Variants in RXFP1 observed in about 807,000 individuals in gnomAD.
The protein encoded by RXFP1 is relaxin family peptide receptor 1, also known as relaxin receptor 1.
In RXFP1, 73 loss-of-function variants were observed where a neutral mutation model predicts 89.8. That is an observed-to-expected ratio of 0.81 (90% CI 0.67 to 0.99). RXFP1 has a LOEUF of 0.99. RXFP1 is among the 50% of genes least tolerant of loss of function. RXFP1 has a pLI of 0.00. For missense variants in RXFP1, 793 were observed against 895.5 expected, an observed-to-expected ratio of 0.89 and a Z score of 1.46; for synonymous variants, 277 against 305.5, an observed-to-expected ratio of 0.91 and a Z score of 0.97.
At chr4:158,593,688 A>C (rs1759985778) in intron 3 of RXFP1, among the ~76,000 whole-genome samples, 189 bp downstream of exon 3, 1 of 152,132 alleles carries the variant, frequency 6.6e-6, no homozygotes, top group Non-Finnish European at 1.5e-5. Context: ...ATACAACTTT[A>C]ACTAGGAAAA....
rs1348024503 is a variant in RXFP1 at position 158,606,751 on chromosome 4, T to C, written c.465-1221T>C. On this transcript the variant is annotated intron_variant, in intron 5 of 17. Transcript: ENST00000307765. The stretch of plus-strand genomic sequence containing the variant: ...GGCATGTGCCACCACACCTGGCTCC[T>C]TTTTTTTTTTTTTTTAGAGAGATAG... Among the ~76,000 whole-genome samples the C allele has an allele frequency of 2.1e-4, 29 of 136,460 alleles. No homozygotes were observed. The East Asian group carries it at 5.2e-3, about 25-fold the overall frequency. 89.5% of individuals were successfully genotyped at this position (136,460 alleles called of 152,430 possible).
At chr4:158,528,572 C>G (rs1743190532) in intron 1 of RXFP1, among the ~76,000 whole-genome samples, 1 of 152,126 alleles carries the variant, frequency 6.6e-6, no homozygotes, top group Non-Finnish European at 1.5e-5. Context: ...AATATCTCCT[C>G]TCCAGTCCAT....
At chr4:158,643,475 T>TG (rs1348544037) in intron 14 of RXFP1, among the ~76,000 whole-genome samples, 1 of 144,652 alleles carries the variant, frequency 6.9e-6, no homozygotes, top group African/African-American at 2.5e-5. Flanking sequence ...CTAGTTTTTT[T>TG]TTTTTTTTTT....
intron 6 of RXFP1, among the ~76,000 whole-genome samples, chr4:158,608,468 A>G (rs1326038077): frequency 6.8e-6 from 1 of 148,080 alleles, no homozygotes; most frequent in Non-Finnish European, 1.5e-5. Flanking sequence ...CTGACAAAGA[A>G]AAAAAAAAAG....
At chr4:158,612,612 CTTTT>C (rs1158067958) in intron 8 of RXFP1, among the ~76,000 whole-genome samples, 4 of 140,256 alleles carry the variant, frequency 2.9e-5, no homozygotes, top group Non-Finnish European at 3.1e-5. Context: ...TCACAATATT[CTTTT>C]TTTTTTTTTT....
intron 2 of RXFP1, among the ~76,000 whole-genome samples, chr4:158,587,271 C>G (rs771309542): frequency 9.9e-5 from 15 of 152,184 alleles, no homozygotes; most frequent in Non-Finnish European, 1.5e-4. Context: ...TACTCAAAGC[C>G]TCAACATACT....
At chr4:158,542,109 A>ATATATATATATATATATATT in intron 1 of RXFP1, among the ~76,000 whole-genome samples, 2 of 35,238 alleles carry the variant, frequency 5.7e-5, no homozygotes, top group South Asian at 8.1e-4. Context: ...ATATATATAT[A>ATATATATATATATATATATT]TTTTTTTTTT....
At chr4:158,579,872 T>C (rs1166871769) in intron 2 of RXFP1, among the ~76,000 whole-genome samples, 3 of 152,134 alleles carry the variant, frequency 2.0e-5, no homozygotes, top group African/African-American at 7.2e-5. Context: ...AACCACATGG[T>C]TTTTACCGGG....
At chr4:158,564,276 A>G (rs1753105223) in intron 1 of RXFP1, among the ~76,000 whole-genome samples, 2 of 152,226 alleles carry the variant, frequency 1.3e-5, no homozygotes, top group African/African-American at 4.8e-5. Flanking sequence ...AAAAGCTACC[A>G]GGGTACAGGG....
rs529815352 is a variant in RXFP1, at chr4:158,523,277, C to G, written c.49+1252C>G. 3.9e-5 allele frequency among the ~76,000 whole-genome samples: 6 copies of G among 152,266 alleles called. No homozygotes were observed. In the East Asian group the frequency reaches 1.2e-3, roughly 29 times the overall value. On this transcript the variant is annotated intron_variant, in intron 1 of 17. Coordinates refer to ENST00000307765, the MANE Select transcript of RXFP1 (RefSeq NM_021634.4). ...AAATTAATGCCATATTTTACCATCC[C>G]TATTCCATTTCAATGAAATGAATAG...
At chr4:158,550,131 C>A (rs13136243) in intron 1 of RXFP1, among the ~76,000 whole-genome samples, 106,562 of 152,238 alleles carry the variant, frequency 0.7, 42,441 homozygotes, top group East Asian at 0.97. Flanking sequence ...CTTTGTTTAC[C>A]TAATCAAGCC....
chr4:158,637,935 A>C lies in RXFP1; in HGVS notation c.972-73A>C, dbSNP rs1423441434. ...TTCATAAATATGTTAAAGTAACCCA[A>C]AATAAACAGATTCACTCGCTTTACT... is the stretch of plus-strand genomic sequence containing the variant. On this transcript the variant is annotated intron_variant, in intron 12 of 17. Coordinates refer to ENST00000307765, the MANE Select transcript of RXFP1 (RefSeq NM_021634.4). 7 of 925,270 alleles carry C rather than the reference A, an allele frequency of 7.6e-6. No individual in the cohort carries two copies. The East Asian group carries it at 1.7e-4, about 23-fold the overall frequency. 57.3% of individuals were successfully genotyped at this position (925,270 alleles called of 1,614,324 possible).
At chr4:158,592,081 A>T (rs903008659) in intron 2 of RXFP1, among the ~76,000 whole-genome samples, 3 of 152,222 alleles carry the variant, frequency 2.0e-5, no homozygotes, top group African/African-American at 7.2e-5. Context: ...ATTTTGTGAG[A>T]AAAGCTTCTT....
intron 6 of RXFP1, chr4:158,610,559 T>TC: frequency 3.8e-6 from 2 of 520,182 alleles, no homozygotes; most frequent in Middle Eastern, 6.4e-4. Context: ...TTTTTAAAAG[T>TC]ACTTAAGTTC....
At chr4:158,544,895 C>T in intron 1 of RXFP1, among the ~76,000 whole-genome samples, 1 of 152,136 alleles carries the variant, frequency 6.6e-6, no homozygotes, top group East Asian at 1.9e-4. Flanking sequence ...GTGAATAGTG[C>T]CGCAATAAAC....
At chr4:158,522,128 A>G in intron 1 of RXFP1, 103 bp downstream of exon 1, 1 of 657,576 alleles carries the variant, frequency 1.5e-6, no homozygotes, top group Non-Finnish European at 2.6e-6. Flanking sequence ...GATAAAATGC[A>G]CTTGCTGATA....
intron 9 of RXFP1, among the ~76,000 whole-genome samples, chr4:158,622,048 C>T (rs187964686): frequency 2.0e-4 from 31 of 152,332 alleles, no homozygotes; most frequent in Non-Finnish European, 2.6e-4. Flanking sequence ...CGGTGGCTTA[C>T]GCCTGTAATC....
intron 9 of RXFP1, among the ~76,000 whole-genome samples, chr4:158,618,653 G>T (rs552382471): frequency 6.6e-5 from 10 of 152,070 alleles, no homozygotes; most frequent in African/African-American, 2.4e-4. Context: ...AGCACAGTAT[G>T]AACTAGAAAA....
intron 8 of RXFP1, 51 bp downstream of exon 8, chr4:158,612,413 A>T (rs774325014): frequency 8.6e-6 from 11 of 1,283,490 alleles, no homozygotes; most frequent in Non-Finnish European, 1.2e-5. Flanking sequence ...AGACATGAAT[A>T]AAAATTAATG....
Sources: gnomAD v4.1 joint callset for allele counts (sites outside exome capture counted in the v4.1 genomes callset) on GRCh38, gnomAD v4.1.1 for gene constraint, MANE v1.5 for transcripts, NCBI Gene and HGNC (gene_info 2026-07-23, HGNC 2026-07-21) for gene names.